Variants in WDR64 observed in about 807,000 individuals in gnomAD.
The protein encoded by WDR64 is WD repeat-containing protein 64.
WDR64 carries 112 observed loss-of-function variants against 139.3 expected under a neutral mutation model. The observed-to-expected ratio is 0.80, with a 90% CI of 0.69 to 0.94. WDR64 has a LOEUF of 0.94. WDR64 is among the 40% of genes least tolerant of loss of function. The pLI, the probability that WDR64 is intolerant of heterozygous loss-of-function variation, is 0.00. For missense variants in WDR64, 1,206 were observed against 1,293.1 expected, an observed-to-expected ratio of 0.93 and a Z score of 1.03; for synonymous variants, 444 against 437.7, an observed-to-expected ratio of 1.01 and a Z score of -0.18.
In WDR64 at chr1:241,795,100, T is replaced by G. The variant is rs1351837621; in HGVS notation, c.2998-107T>G. ...CATAACTAGGTAACAGGGAAGTCCC[T>G]TAAGATCACACATCTAATAAGTGAC... On this transcript the variant is annotated intron_variant, in intron 25 of 27. Coordinates refer to ENST00000437684, the MANE Select transcript of WDR64 (RefSeq NM_001367482.1). 10 of 861,442 alleles carry G rather than the reference T, an allele frequency of 1.2e-5. No homozygotes were observed. In the Admixed American group the frequency reaches 2.6e-4, roughly 22 times the overall value. The allele number at this position is 861,442 out of a possible 1,614,324, so 53.4% of individuals were successfully genotyped here.
At chr1:241,720,923 T>G (rs1473654473) in intron 9 of WDR64, among the ~76,000 whole-genome samples, 1 of 152,202 alleles carries the variant, frequency 6.6e-6, no homozygotes, top group Non-Finnish European at 1.5e-5. Flanking sequence ...CTTTTATGGT[T>G]TTGGGGTTTA....
At chr1:241,723,468 GT>G in intron 10 of WDR64, 32 bp downstream of exon 10, 1 of 1,604,662 alleles carries the variant, frequency 6.2e-7, no homozygotes, top group Non-Finnish European at 8.5e-7. Context: ...AACAAAACTA[GT>G]TTTTTCCGGA....
rs1213623383 is a variant in WDR64 at position 241,660,651 on chromosome 1, C to G, written c.267C>G (p.Asp89Glu). The G allele has an allele frequency of 6.4e-7, 1 of 1,551,288 alleles. No homozygotes were observed. Among genetic ancestry groups the G allele is most frequent in the Non-Finnish European group, 8.7e-7 (1 of 1,146,736 alleles). Reference protein sequence around the residue: ...KLCNNTDASADWCEIFGYFSS... With the variant: ...KLCNNTDASAEWCEIFGYFSS... Reference sequence around the variant, plus strand: ...GCAACAACACGGATGCATCTGCAGACTGGTGTGAGGTAGACTCATTTCATG... The same window carrying G: ...GCAACAACACGGATGCATCTGCAGAGTGGTGTGAGGTAGACTCATTTCATG... The change falls in exon 2 of 28, where the codon GAC becomes GAG. Residue 89 changes from aspartate to glutamate, a missense_variant. Coordinates refer to ENST00000437684, the MANE Select transcript of WDR64 (RefSeq NM_001367482.1).
intron 1 of WDR64, among the ~76,000 whole-genome samples, chr1:241,658,145 A>G (rs1450873594): frequency 6.6e-6 from 1 of 152,208 alleles, no homozygotes; most frequent in Non-Finnish European, 1.5e-5. Flanking sequence ...ACAGATACTC[A>G]TATTTTTAAC....
chr1:241,700,081 C>G (rs1448639600), intron 8 of WDR64, among the ~76,000 whole-genome samples: 2 of 149,624 alleles, frequency 1.3e-5, no homozygotes, highest in Non-Finnish European at 3.0e-5. Context: ...GAAGTAGGGA[C>G]AGAGAGAGAA....
intron 22 of WDR64, 116 bp from the exon 23 acceptor site, chr1:241,783,156 A>G: frequency 1.2e-6 from 1 of 855,808 alleles, no homozygotes; most frequent in Admixed American, 2.4e-5. Flanking sequence ...CATCTAGCAC[A>G]GATGTCTACA....
intron 7 of WDR64, among the ~76,000 whole-genome samples, 176 bp from the exon 8 acceptor site, chr1:241,687,285 G>A (rs933939013): frequency 4.8e-5 from 7 of 146,150 alleles, no homozygotes; most frequent in South Asian, 2.2e-4. Flanking sequence ...CAGCCTAGGC[G>A]AGAGAGCAAG....
At chr1:241,711,554 C>T (rs541100954) in intron 8 of WDR64, among the ~76,000 whole-genome samples, 2 of 152,234 alleles carry the variant, frequency 1.3e-5, no homozygotes, top group Admixed American at 6.5e-5. Context: ...ACCACAAACC[C>T]AGCATGGAGG....
chr1:241,655,146 A>G (rs1665531612), intron 1 of WDR64, among the ~76,000 whole-genome samples: 1 of 152,150 alleles, frequency 6.6e-6, no homozygotes, highest in Non-Finnish European at 1.5e-5. Flanking sequence ...GCACTTTGGG[A>G]GGCCAAGGTG....
rs1053938163 is a variant in WDR64 at position 241,656,147 on chromosome 1, A to G, written c.145+3518A>G. 2.6e-5 allele frequency among the ~76,000 whole-genome samples: 4 copies of G among 152,236 alleles called. No individual in the cohort carries two copies. Among genetic ancestry groups the G allele is most frequent in the Admixed American group, 6.5e-5 (1 of 15,278 alleles). On this transcript the variant is annotated intron_variant, in intron 1 of 27. Coordinates refer to ENST00000437684, the MANE Select transcript of WDR64 (RefSeq NM_001367482.1). This position sits in a 1 kb window ranked among gnomAD's most constrained non-coding sequence, Gnocchi z 4.3. ...GTTACCTTCTATCACGGGGCGGCCT[A>G]AGAAAGAGTGAGGAGAAGGCAGAAA...
At chr1:241,717,640 A>G (rs1308751182) in intron 9 of WDR64, among the ~76,000 whole-genome samples, 2 of 152,100 alleles carry the variant, frequency 1.3e-5, no homozygotes, top group African/African-American at 4.8e-5. Flanking sequence ...AGAAAGAAAA[A>G]ATAGAAAGCA....
At position 241,683,570 on chromosome 1, in the gene WDR64, T is replaced by A. The variant is rs753053794; in HGVS notation, c.708T>A (p.Asp236Glu). The A allele has an allele frequency of 2.6e-6, 4 of 1,551,754 alleles. No individual in the cohort carries two copies. The South Asian group carries it at 4.8e-5, about 18-fold the overall frequency. Residue 236 changes from aspartate (D) to glutamate (E), a missense_variant, in exon 7 of 28, where the codon GAT becomes GAA. Coordinates refer to ENST00000437684, the MANE Select transcript of WDR64 (RefSeq NM_001367482.1). Reference sequence around the variant, plus strand: ...CTTTGCCTGACCATCTCTGCCGAGATGACATCCTCTTGGGGGATGATGGGG... The same window carrying A: ...CTTTGCCTGACCATCTCTGCCGAGAAGACATCCTCTTGGGGGATGATGGGG... Reference protein sequence around the residue: ...VVPLPDHLCRDDILLGDDGGF... With the variant: ...VVPLPDHLCREDILLGDDGGF...
At chr1:241,657,672 A>T (rs1573982054) in intron 1 of WDR64, among the ~76,000 whole-genome samples, 1 of 152,210 alleles carries the variant, frequency 6.6e-6, no homozygotes, top group African/African-American at 2.4e-5. Context: ...CCTGAGGTCT[A>T]CCCCTACCTG....
chr1:241,680,395 T>G (rs1468495940), intron 6 of WDR64, among the ~76,000 whole-genome samples: 2 of 152,238 alleles, frequency 1.3e-5, no homozygotes, highest in African/African-American at 4.8e-5. Flanking sequence ...AGCAGCTTGT[T>G]GGTCAACGTA....
chr1:241,763,415 G>C lies in WDR64; in HGVS notation c.1948-2803G>C, dbSNP rs887574723. Among the ~76,000 whole-genome samples, 35 of 152,140 alleles carry C rather than the reference G, an allele frequency of 2.3e-4. 1 individual carries two copies. The highest frequency in any genetic ancestry group is 1.5e-4 in the Non-Finnish European group (10 of 68,034). The stretch of plus-strand genomic sequence containing the variant: ...CAGACTTTAAAATTATAGATTGAAA[G>C]TTTGCAAAAGTCGGCCAGGCACAGT... On this transcript the variant is annotated intron_variant, in intron 15 of 27. Coordinates refer to ENST00000437684, the MANE Select transcript of WDR64 (RefSeq NM_001367482.1).
At chr1:241,673,483 C>T (rs2148076609) in intron 3 of WDR64, among the ~76,000 whole-genome samples, 1 of 152,200 alleles carries the variant, frequency 6.6e-6, no homozygotes, top group African/African-American at 2.4e-5. Flanking sequence ...TAATTGCCTT[C>T]CCCTCTGCCT....
At chr1:241,752,604 C>T (rs1670020096) in intron 14 of WDR64, among the ~76,000 whole-genome samples, 2 of 152,156 alleles carry the variant, frequency 1.3e-5, no homozygotes, top group Non-Finnish European at 2.9e-5. Context: ...GATCTCAGCA[C>T]TTTGGGAGGC....
At chr1:241,702,512 A>C (rs1667758274) in intron 8 of WDR64, among the ~76,000 whole-genome samples, 2 of 140,564 alleles carry the variant, frequency 1.4e-5, no homozygotes, top group East Asian at 2.5e-4. Flanking sequence ...ATACTGAAAA[A>C]ATTTAAAGGA....
intron 14 of WDR64, among the ~76,000 whole-genome samples, chr1:241,751,177 T>A (rs1222973694): frequency 6.6e-6 from 1 of 152,202 alleles, no homozygotes; most frequent in Non-Finnish European, 1.5e-5. Flanking sequence ...GGGGCAGTGA[T>A]CCACCTACTA....
Sources: gnomAD v4.1 joint callset for allele counts (sites outside exome capture counted in the v4.1 genomes callset) on GRCh38, gnomAD v4.1.1 for gene constraint, Gnocchi (gnomAD v3.1) non-coding constraint, MANE v1.5 for transcripts, NCBI Gene and HGNC (gene_info 2026-07-23, HGNC 2026-07-21) for gene names.